SLC8A1: variants seen among roughly 807,000 people sequenced by gnomAD.
The protein encoded by SLC8A1 is sodium/calcium exchanger 1.
Under a neutral mutation model 68.3 loss-of-function variants are expected in SLC8A1, and 18 were observed. The ratio of observed to expected loss-of-function variants is 0.26; its 90% CI spans 0.18 to 0.39. The LOEUF (loss-of-function observed/expected upper bound fraction) is 0.39. Among genes scored for constraint, SLC8A1 ranks in the 10% least tolerant of loss-of-function variants. SLC8A1 has a pLI of 1.00. For synonymous variants in SLC8A1, 475 were observed against 415.5 expected, an observed-to-expected ratio of 1.14 and a Z score of -1.74; for missense variants, 985 against 1,156.7, an observed-to-expected ratio of 0.85 and a Z score of 2.15.
intron 2 of SLC8A1, among the ~76,000 whole-genome samples, chr2:40,412,869 G>C (rs1308131373): frequency 1.3e-5 from 2 of 152,096 alleles, no homozygotes; most frequent in Non-Finnish European, 2.9e-5. Flanking sequence ...AAATGCTAGA[G>C]TGTAATCTAG....
At chr2:40,127,207 T>C (rs2038299799) in intron 7 of SLC8A1, among the ~76,000 whole-genome samples, 1 of 152,200 alleles carries the variant, frequency 6.6e-6, no homozygotes, top group East Asian at 1.9e-4. Context: ...TAGACTCAGT[T>C]CAGTTATAGA....
chr2:40,173,079 G>A (rs936145510), intron 4 of SLC8A1, among the ~76,000 whole-genome samples: 1 of 152,148 alleles, frequency 6.6e-6, no homozygotes, highest in African/African-American at 2.4e-5. Flanking sequence ...TCACAGGATG[G>A]AAGGTGCTGT....
intron 2 of SLC8A1, among the ~76,000 whole-genome samples, chr2:40,334,728 C>T (rs966144142): frequency 5.3e-5 from 8 of 152,062 alleles, no homozygotes; most frequent in Admixed American, 1.3e-4. Context: ...GATCAAATGA[C>T]GTGCTATTTT....
chr2:40,378,080 G>C (rs1446180924), intron 2 of SLC8A1, among the ~76,000 whole-genome samples: 1 of 152,094 alleles, frequency 6.6e-6, no homozygotes, highest in African/African-American at 2.4e-5. Context: ...CTAGGAGCTG[G>C]TGATAAATCA....
intron 1 of SLC8A1, among the ~76,000 whole-genome samples, chr2:40,433,583 G>A (rs1698802956): frequency 6.6e-6 from 1 of 152,178 alleles, no homozygotes; most frequent in South Asian, 2.1e-4. Flanking sequence ...CCCTGGAGAT[G>A]TGCAATGCAC....
intron 2 of SLC8A1, among the ~76,000 whole-genome samples, chr2:40,399,660 A>G (rs1187140558): frequency 1.3e-5 from 2 of 152,170 alleles, no homozygotes; most frequent in Non-Finnish European, 2.9e-5. Context: ...GGGAAATACT[A>G]ATATTAAGTA....
At chr2:40,191,958 G>A (rs186744309) in intron 2 of SLC8A1, among the ~76,000 whole-genome samples, 81 of 152,166 alleles carry the variant, frequency 5.3e-4, no homozygotes, top group African/African-American at 1.7e-3. Context: ...GAGGACCTAC[G>A]GGATCTAGAT....
intron 7 of SLC8A1, among the ~76,000 whole-genome samples, chr2:40,130,584 C>CT (rs2039125614): frequency 6.6e-6 from 1 of 152,222 alleles, no homozygotes; most frequent in South Asian, 2.1e-4. Context: ...CAGTACTGAA[C>CT]TTTTTTGGTA....
At chr2:40,361,463 CCTTT>C (rs1216645655) in intron 2 of SLC8A1, among the ~76,000 whole-genome samples, 1 of 101,452 alleles carries the variant, frequency 9.9e-6, no homozygotes, top group Non-Finnish European at 2.2e-5. Flanking sequence ...CCTGAAGGAG[CCTTT>C]TTTTTTTTTT....
At chr2:40,214,704 C>T (rs565688296) in intron 2 of SLC8A1, among the ~76,000 whole-genome samples, 16 of 152,166 alleles carry the variant, frequency 1.1e-4, no homozygotes, top group African/African-American at 3.9e-4. Flanking sequence ...TCCCAAAGTG[C>T]TGGGATTACA....
intron 1 of SLC8A1, among the ~76,000 whole-genome samples, chr2:40,495,879 G>T (rs372862850): frequency 6.6e-6 from 1 of 152,000 alleles, no homozygotes; most frequent in Non-Finnish European, 1.5e-5. Flanking sequence ...ATTAGGCTTC[G>T]TCATAAAGAA....
intron 2 of SLC8A1, among the ~76,000 whole-genome samples, chr2:40,274,075 A>C (rs1019671491): frequency 1.3e-4 from 20 of 150,978 alleles, no homozygotes; most frequent in Middle Eastern, 3.4e-3. Flanking sequence ...CTTTTAGATC[A>C]TTTCATCATA....
chr2:40,440,616 A>C (rs1056438347), intron 1 of SLC8A1, among the ~76,000 whole-genome samples: 3 of 152,112 alleles, frequency 2.0e-5, no homozygotes, highest in African/African-American at 7.2e-5. Context: ...ACAGATGTTC[A>C]TTTAAATTAC....
chr2:40,205,246 A>T (rs928880228), intron 2 of SLC8A1, among the ~76,000 whole-genome samples: 2 of 147,974 alleles, frequency 1.4e-5, no homozygotes, highest in Admixed American at 1.4e-4. Context: ...TATAGTTTTC[A>T]TCAATTTAAA....
intron 2 of SLC8A1, among the ~76,000 whole-genome samples, chr2:40,203,009 C>A (rs1295885934): frequency 6.6e-6 from 1 of 151,978 alleles, no homozygotes; most frequent in East Asian, 1.9e-4. Flanking sequence ...CTCAGTGACT[C>A]TACAGCCATG....
At chr2:40,151,880 G>T (rs2043506371) in intron 6 of SLC8A1, among the ~76,000 whole-genome samples, 1 of 152,130 alleles carries the variant, frequency 6.6e-6, no homozygotes, top group African/African-American at 2.4e-5. Flanking sequence ...ATACATTAAA[G>T]ATAAAAATTA....
At chr2:40,502,171 T>C (rs1467203611) in intron 1 of SLC8A1, among the ~76,000 whole-genome samples, 4 of 152,074 alleles carry the variant, frequency 2.6e-5, no homozygotes, top group Non-Finnish European at 2.9e-5. Flanking sequence ...ATTGAACTTA[T>C]AGTCACTACA....
chr2:40,387,654 A>G (rs1683986417), intron 2 of SLC8A1, among the ~76,000 whole-genome samples: 1 of 151,330 alleles, frequency 6.6e-6, no homozygotes, highest in African/African-American at 2.5e-5. Context: ...GGGGTACTTA[A>G]GAATTAGTTG....
intron 2 of SLC8A1, among the ~76,000 whole-genome samples, chr2:40,229,962 T>A (rs1156780369): frequency 6.6e-6 from 1 of 152,192 alleles, no homozygotes; most frequent in Non-Finnish European, 1.5e-5. Context: ...ATGTTGTTAT[T>A]GTTCTATGAA....
Sources: gnomAD v4.1 joint callset for allele counts (sites outside exome capture counted in the v4.1 genomes callset) on GRCh38, gnomAD v4.1.1 for gene constraint, MANE v1.5 for transcripts, NCBI Gene and HGNC (gene_info 2026-07-23, HGNC 2026-07-21) for gene names.